KCNT2: variants seen among roughly 807,000 people sequenced by gnomAD.
KCNT2 encodes potassium sodium-activated channel subfamily T member 2, also known as potassium channel subfamily T member 2.
KCNT2 carries 67 observed loss-of-function variants against 153.8 expected under a neutral mutation model. The observed-to-expected ratio is 0.44, with a 90% confidence interval of 0.36 to 0.53. KCNT2 has a LOEUF of 0.53. KCNT2 is among the 20% of genes least tolerant of loss of function. The probability of loss-of-function intolerance (pLI) is 0.00; values close to 1 mark genes in which losing one functional copy is unlikely to be tolerated. For synonymous variants in KCNT2, 500 were observed against 458.8 expected, an observed-to-expected ratio of 1.09 and a Z score of -1.15; for missense variants, 975 against 1,354.8, an observed-to-expected ratio of 0.72 and a Z score of 4.40.
At chr1:196,441,899 G>GT (rs1162985335) in intron 8 of KCNT2, among the ~76,000 whole-genome samples, 2 of 151,750 alleles carry the variant, frequency 1.3e-5, no homozygotes, top group African/African-American at 4.8e-5. Flanking sequence ...AATGTAAAAT[G>GT]TATTTCCCAC....
intron 1 of KCNT2, among the ~76,000 whole-genome samples, chr1:196,597,805 T>C (rs986554198): frequency 6.6e-6 from 1 of 152,224 alleles, no homozygotes; most frequent in Non-Finnish European, 1.5e-5. Context: ...TGCTATTGCA[T>C]GAATTTCTGT....
intron 14 of KCNT2, among the ~76,000 whole-genome samples, chr1:196,369,307 A>AT (rs950265651): frequency 5.9e-5 from 9 of 151,786 alleles, no homozygotes; most frequent in South Asian, 4.2e-4. Context: ...TAAAGAATAA[A>AT]TTTTTTTTTA....
intron 14 of KCNT2, among the ~76,000 whole-genome samples, chr1:196,355,475 C>A (rs181987707): frequency 6.9e-4 from 105 of 151,750 alleles, no homozygotes; most frequent in African/African-American, 2.3e-3. Flanking sequence ...AAATAGTTTT[C>A]AAGCATTATT....
At chr1:196,473,640 C>A (rs1678281930) in intron 5 of KCNT2, among the ~76,000 whole-genome samples, 1 of 152,116 alleles carries the variant, frequency 6.6e-6, no homozygotes, top group African/African-American at 2.4e-5. Flanking sequence ...CAGTTATATG[C>A]ATTGAGTTTA....
chr1:196,461,425 AT>A (rs1677144758), intron 8 of KCNT2, among the ~76,000 whole-genome samples: 1 of 151,784 alleles, frequency 6.6e-6, no homozygotes, highest in Admixed American at 6.6e-5. Context: ...TTAACATAAT[AT>A]AGTTTCTTAT....
At chr1:196,561,821 T>C (rs543234153) in intron 1 of KCNT2, among the ~76,000 whole-genome samples, 1 of 151,738 alleles carries the variant, frequency 6.6e-6, no homozygotes, top group East Asian at 2.0e-4. Context: ...TCAATACATG[T>C]AAGATGTACA....
chr1:196,551,968 A>G (rs1439646304), intron 1 of KCNT2, among the ~76,000 whole-genome samples: 1 of 151,540 alleles, frequency 6.6e-6, no homozygotes, highest in Non-Finnish European at 1.5e-5. Flanking sequence ...TATAATGGAA[A>G]AGGAATCTGG....
At chr1:196,396,349 A>T (rs1372131571) in intron 13 of KCNT2, among the ~76,000 whole-genome samples, 1 of 151,644 alleles carries the variant, frequency 6.6e-6, no homozygotes, top group African/African-American at 2.4e-5. Flanking sequence ...ATATACAAAG[A>T]TGGGGAAATA....
chr1:196,315,953 T>A lies in KCNT2; in HGVS notation c.2422A>T (p.Ser808Cys). 1 of 1,610,184 alleles carries A rather than the reference T, an allele frequency of 6.2e-7. No homozygotes were observed. The highest frequency in any genetic ancestry group is 8.5e-7 in the Non-Finnish European group (1 of 1,177,454). ...MVVVDKESTMSAEEDYMADAK... is the reference protein window; with the variant it reads ...MVVVDKESTMCAEEDYMADAK... Reference sequence around the variant, plus strand: ...TCTGCCATGTAGTCTTCCTCGGCACTCATGGTGCTCTCTTTATCCACAACC... The same window carrying A: ...TCTGCCATGTAGTCTTCCTCGGCACACATGGTGCTCTCTTTATCCACAACC... The change falls in exon 21 of 28, where the codon AGT (serine) becomes TGT (cysteine). Residue 808 changes from serine to cysteine, a missense_variant. Coordinates refer to ENST00000294725, the MANE Select transcript of KCNT2 (RefSeq NM_198503.5).
chr1:196,433,121 C>G (rs2148555400), intron 8 of KCNT2, among the ~76,000 whole-genome samples: 1 of 152,136 alleles, frequency 6.6e-6, no homozygotes, highest in African/African-American at 2.4e-5. Flanking sequence ...AGTAAAGCCC[C>G]ATCTTGAAAG....
intron 1 of KCNT2, among the ~76,000 whole-genome samples, chr1:196,559,852 T>C (rs1659153163): frequency 6.6e-6 from 1 of 151,750 alleles, no homozygotes; most frequent in Admixed American, 6.6e-5. Flanking sequence ...ATTTTCCCAG[T>C]GTATTATCCA....
intron 8 of KCNT2, among the ~76,000 whole-genome samples, chr1:196,438,470 G>A (rs1015791797): frequency 5.3e-5 from 8 of 151,728 alleles, no homozygotes; most frequent in Non-Finnish European, 8.8e-5. Flanking sequence ...AAATATGGGC[G>A]ATCATAGAAG....
At chr1:196,325,072 G>C (rs146353436) in intron 19 of KCNT2, among the ~76,000 whole-genome samples, 1 of 152,072 alleles carries the variant, frequency 6.6e-6, no homozygotes, top group African/African-American at 2.4e-5. Context: ...CAAGACTGAA[G>C]ATTGAAAATG....
At chr1:196,531,588 T>C (rs1363513252) in intron 1 of KCNT2, among the ~76,000 whole-genome samples, 1 of 152,130 alleles carries the variant, frequency 6.6e-6, no homozygotes, top group African/African-American at 2.4e-5. Flanking sequence ...CTTTATGGTA[T>C]TCTTTTGATA....
At chr1:196,536,957 T>C (rs1655666932) in intron 1 of KCNT2, among the ~76,000 whole-genome samples, 2 of 152,228 alleles carry the variant, frequency 1.3e-5, no homozygotes, top group African/African-American at 2.4e-5. Flanking sequence ...CAATGAATTC[T>C]ATAGCTCAGC....
chr1:196,456,344 T>C (rs1676673034), intron 8 of KCNT2, among the ~76,000 whole-genome samples: 2 of 152,052 alleles, frequency 1.3e-5, no homozygotes, highest in Admixed American at 1.3e-4. Flanking sequence ...TGTTTTATTT[T>C]GTTTTATTGC....
intron 1 of KCNT2, among the ~76,000 whole-genome samples, chr1:196,576,088 ATATG>A (rs1463748559): frequency 1.4e-5 from 2 of 147,344 alleles, no homozygotes; most frequent in South Asian, 2.1e-4. Flanking sequence ...ATATATATAT[ATATG>A]TGTGTGTGTG....
intron 3 of KCNT2, among the ~76,000 whole-genome samples, chr1:196,484,357 A>C (rs537262989): frequency 6.6e-6 from 1 of 151,368 alleles, no homozygotes; most frequent in Non-Finnish European, 1.5e-5. Context: ...AACTTTGCCC[A>C]GTTTTTGATG....
At chr1:196,408,215 C>T (rs1553316256) in intron 12 of KCNT2, among the ~76,000 whole-genome samples, 1 of 151,460 alleles carries the variant, frequency 6.6e-6, no homozygotes, top group Non-Finnish European at 1.5e-5. Flanking sequence ...TACTGTTTTC[C>T]CTTTTGTTAA....
Sources: allele counts gnomAD v4.1 joint callset (sites outside exome capture counted in the v4.1 genomes callset), GRCh38; gene constraint gnomAD v4.1.1; transcripts MANE v1.5; gene names NCBI Gene and HGNC (gene_info 2026-07-23, HGNC 2026-07-21).